PGAP2: variants seen among roughly 807,000 people sequenced by gnomAD.
The protein encoded by PGAP2 is acyltransferase PGAP2.
A neutral mutation model predicts 33.2 loss-of-function variants in PGAP2; 21 were observed. The ratio of observed to expected loss-of-function variants is 0.63; its 90% CI spans 0.45 to 0.91. The LOEUF (loss-of-function observed/expected upper bound fraction) is 0.91. PGAP2 is among the 40% of genes least tolerant of loss of function. The probability of loss-of-function intolerance (pLI) is 0.00; values close to 1 mark genes in which losing one functional copy is unlikely to be tolerated. For missense variants in PGAP2, 345 were observed against 424.0 expected, an observed-to-expected ratio of 0.81 and a Z score of 1.64; for synonymous variants, 161 against 172.9, an observed-to-expected ratio of 0.93 and a Z score of 0.54.
In PGAP2 at chr11:3,800,798, T is replaced by A. The variant is rs1453430076; in HGVS notation, c.139+2816T>A. ...CTGCACTCGATCCTGGGCCACAGAG[T>A]GAGACTCCGTCTCAAAAAAAAAAAA... On this transcript the variant is annotated intron_variant, in intron 1 of 6. Transcript: ENST00000300730. Among the ~76,000 whole-genome samples, 5 of 117,318 alleles carry A rather than the reference T, an allele frequency of 4.3e-5. No homozygotes were observed. The East Asian group carries it at 9.4e-4, about 22-fold the overall frequency. 77.0% of individuals were successfully genotyped at this position (117,318 alleles called of 152,430 possible).
intron 1 of PGAP2, among the ~76,000 whole-genome samples, chr11:3,801,047 T>TGG: frequency 6.6e-6 from 1 of 151,616 alleles, no homozygotes; most frequent in South Asian, 2.1e-4. Context: ...GGCAGGAGAA[T>TGG]TGCTTGAACC....
intron 1 of PGAP2, among the ~76,000 whole-genome samples, chr11:3,799,853 G>C (rs1027387091): frequency 6.6e-6 from 1 of 152,154 alleles, no homozygotes; most frequent in Non-Finnish European, 1.5e-5. Flanking sequence ...TGTGGTCCCA[G>C]CTACTAGGGA....
rs765645245 is a variant in PGAP2, at chr11:3,823,677, A to G, written c.349-206A>G. On this transcript the variant is annotated intron_variant, in intron 3 of 6. Transcript: ENST00000278243. Reference sequence around the variant, plus strand: ...CATGCTGCTGCACAAATCCCAGGATAGCTGGGGAATGAGAATCCAGCACTT... The same window carrying G: ...CATGCTGCTGCACAAATCCCAGGATGGCTGGGGAATGAGAATCCAGCACTT... The G allele has an allele frequency of 1.9e-6, 3 of 1,565,844 alleles. No individual in the cohort carries two copies. The South Asian group carries it at 3.4e-5, about 18-fold the overall frequency.
intron 2 of PGAP2, among the ~76,000 whole-genome samples, chr11:3,812,260 C>A (rs527619340): frequency 3.3e-5 from 5 of 152,136 alleles, no homozygotes; most frequent in African/African-American, 1.2e-4. Context: ...TCAGTTTCCT[C>A]ATGTCTGAAA....
intron 1 of PGAP2, chr11:3,798,014 C>T (rs772780218): frequency 2.5e-5 from 38 of 1,535,120 alleles, no homozygotes; most frequent in Non-Finnish European, 2.9e-5. Flanking sequence ...TGCCCCGGTC[C>T]GCCGGCGCTG....
upstream of PGAP2, chr11:3,808,280 T>C: frequency 6.4e-7 from 1 of 1,551,446 alleles, no homozygotes; most frequent in Non-Finnish European, 8.7e-7. Context: ...ATTAATTTTG[T>C]GTTCTTTCAA....
chr11:3,812,888 TAGAA>T (rs2085897996), intron 2 of PGAP2, among the ~76,000 whole-genome samples: 1 of 152,104 alleles, frequency 6.6e-6, no homozygotes, highest in Non-Finnish European at 1.5e-5. Context: ...TGGGAGCTAT[TAGAA>T]AGAACTGGAC....
intron 5 of PGAP2, 120 bp from the exon 6 acceptor site, chr11:3,824,900 C>A: frequency 6.6e-7 from 1 of 1,513,048 alleles, no homozygotes; most frequent in Non-Finnish European, 8.8e-7. Flanking sequence ...TGCTCCCTTC[C>A]ATGACCGCTA....
intron 1 of PGAP2, chr11:3,797,990 T>G (rs1434356357): frequency 3.2e-6 from 5 of 1,541,308 alleles, no homozygotes; most frequent in Non-Finnish European, 4.4e-6. Flanking sequence ...ATGGTAACTA[T>G]TCGACCCTTT....
intron 3 of PGAP2, chr11:3,822,961 C>T (rs2041359459): frequency 4.0e-6 from 6 of 1,511,804 alleles, no homozygotes; most frequent in Non-Finnish European, 5.3e-6. Flanking sequence ...TGGAGATGCA[C>T]AAGAACATGG....
intron 1 of PGAP2, among the ~76,000 whole-genome samples, chr11:3,801,818 G>A (rs1477849010): frequency 2.6e-5 from 4 of 151,640 alleles, no homozygotes; most frequent in Non-Finnish European, 5.9e-5. Flanking sequence ...AGTTGCCCAC[G>A]CCTGTAATCC....
rs866617481 is a variant in PGAP2 at position 3,825,386 on chromosome 11, C to T, written c.876C>T (p.His292=). Residue 292 remains histidine, a synonymous_variant, in exon 7 of 7, where the codon CAC becomes CAT. Coordinates refer to ENST00000278243, the MANE Select transcript of PGAP2 (RefSeq NM_014489.4). ...YTVVLTNMAF[H]MTAWWDFGNK... Reference sequence around the variant, plus strand: ...TTGTCTTAACCAACATGGCGTTCCACATGACGGCCTGGTGGGACTTCGGGA... The same window carrying T: ...TTGTCTTAACCAACATGGCGTTCCATATGACGGCCTGGTGGGACTTCGGGA... The T allele has an allele frequency of 1.9e-6, 3 of 1,613,936 alleles. No individual in the cohort carries two copies. The Middle Eastern group carries it at 5.0e-4, about 269-fold the overall frequency.
At chr11:3,807,309 GTTT>G (rs200578138), upstream of PGAP2, among the ~76,000 whole-genome samples, 7 of 114,678 alleles carry the variant, frequency 6.1e-5, no homozygotes, top group African/African-American at 1.3e-4. Context: ...ATTTTCACAG[GTTT>G]TTTTTTTTTT....
upstream of PGAP2, chr11:3,808,099 A>G (rs891634211): frequency 5.8e-5 from 84 of 1,449,962 alleles, no homozygotes; most frequent in East Asian, 1.9e-3. Context: ...TGCTCTTCCC[A>G]TTGCTGAAAT....
intron 1 of PGAP2, among the ~76,000 whole-genome samples, chr11:3,810,068 T>G (rs1356332476): frequency 6.6e-6 from 1 of 152,208 alleles, no homozygotes; most frequent in South Asian, 2.1e-4. Flanking sequence ...CAAGCCAACG[T>G]TCCAGGGATG....
At chr11:3,816,892 AACCTGAAGCT>A (rs2087158709) in intron 2 of PGAP2, among the ~76,000 whole-genome samples, 1 of 152,150 alleles carries the variant, frequency 6.6e-6, no homozygotes, top group South Asian at 2.1e-4. Context: ...CATGACTTAG[AACCTGAAGCT>A]GTCAGGTGGC....
chr11:3,803,624 C>T (rs956579642), upstream of PGAP2, among the ~76,000 whole-genome samples: 3 of 151,824 alleles, frequency 2.0e-5, no homozygotes, highest in Admixed American at 1.3e-4. Context: ...GATGAGGTTT[C>T]ACCATGTGGG....
intron 1 of PGAP2, among the ~76,000 whole-genome samples, chr11:3,800,937 C>T (rs1350282409): frequency 1.3e-5 from 2 of 151,190 alleles, no homozygotes; most frequent in Non-Finnish European, 2.9e-5. Context: ...GTTCGAAACC[C>T]GCCTGGCCAA....
chr11:3,814,740 TTTCCTTCTTTTCTTTCTTTC>T (rs1478184788), intron 2 of PGAP2, among the ~76,000 whole-genome samples: 4 of 104,972 alleles, frequency 3.8e-5, no homozygotes, highest in Non-Finnish European at 7.0e-5. Flanking sequence ...TCTTTCCTTC[TTTCCTTCTTTTCTTTCTTTC>T]TTTCTTTCTT....
Sources: allele counts gnomAD v4.1 joint callset (sites outside exome capture counted in the v4.1 genomes callset), GRCh38; gene constraint gnomAD v4.1.1; transcripts MANE v1.5; gene names NCBI Gene and HGNC (gene_info 2026-07-23, HGNC 2026-07-21).